TMEM200A: variants seen among roughly 807,000 people sequenced by gnomAD.
TMEM200A encodes the protein transmembrane protein 200A.
TMEM200A carries 12 observed loss-of-function variants against 24.3 expected under a neutral mutation model. The ratio of observed to expected loss-of-function variants is 0.49; its 90% CI spans 0.32 to 0.80. TMEM200A has a LOEUF of 0.80. Ranked by LOEUF, TMEM200A falls within the 30% of genes least tolerant of loss-of-function variation. The pLI is 0.04. For missense variants in TMEM200A, 545 were observed against 614.4 expected (o/e 0.89, Z 1.19); for synonymous variants, 224 against 224.4 (o/e 1.00, Z 0.02).
At chr6:130,404,068 C>T (rs1779151146) in intron 2 of TMEM200A, among the ~76,000 whole-genome samples, 1 of 152,150 alleles carries the variant, frequency 6.6e-6, no homozygotes, top group Non-Finnish European at 1.5e-5. Context: ...TTTATTCAGT[C>T]TATCATTGAT....
intron 2 of TMEM200A, among the ~76,000 whole-genome samples, chr6:130,394,895 A>C (rs569340019): frequency 6.6e-6 from 1 of 152,170 alleles, no homozygotes; most frequent in Non-Finnish European, 1.5e-5. Context: ...GGGTAAGGAT[A>C]TGAAAGTTCA....
At chr6:130,367,143 GT>G (rs1015754916) in intron 1 of TMEM200A, among the ~76,000 whole-genome samples, 3 of 151,904 alleles carry the variant, frequency 2.0e-5, no homozygotes, top group East Asian at 1.9e-4. Flanking sequence ...GTGTTTGTGT[GT>G]TTTTTTTAAA....
intron 2 of TMEM200A, 44 bp downstream of exon 2, chr6:130,385,280 T>A (rs529949931): frequency 3.1e-4 from 47 of 152,334 alleles, no homozygotes; most frequent in Admixed American, 1.6e-3. Context: ...GGGAGACTGA[T>A]CACCTGGATG....
At chr6:130,429,873 C>T (rs1018383116) in intron 2 of TMEM200A, among the ~76,000 whole-genome samples, 6 of 151,876 alleles carry the variant, frequency 4.0e-5, no homozygotes, top group African/African-American at 4.8e-5. Context: ...TTCCTCAATA[C>T]GTAAAAAAAA....
At chr6:130,437,855 T>C (rs980499285) in intron 2 of TMEM200A, 2 of 152,180 alleles carry the variant, frequency 1.3e-5, no homozygotes, top group African/African-American at 4.8e-5. Context: ...TCATCTAATC[T>C]CCTTTCCTCT....
intron 2 of TMEM200A, among the ~76,000 whole-genome samples, chr6:130,386,289 G>T (rs1010036126): frequency 2.6e-5 from 4 of 152,164 alleles, no homozygotes; most frequent in African/African-American, 9.7e-5. Flanking sequence ...TGCAGCACTT[G>T]AGTGTTTCAA....
At chr6:130,370,985 G>T (rs1318034516) in intron 1 of TMEM200A, among the ~76,000 whole-genome samples, 2 of 152,146 alleles carry the variant, frequency 1.3e-5, no homozygotes, top group Admixed American at 1.3e-4. Flanking sequence ...GCACAGATTA[G>T]GATTTTCATT....
At position 130,405,545 on chromosome 6, in the gene TMEM200A, G is replaced by T. The variant is rs563359410; in HGVS notation, c.-17+20309G>T. On this transcript the variant is annotated intron_variant, in intron 2 of 2. Coordinates refer to ENST00000296978, the MANE Select transcript of TMEM200A (RefSeq NM_001258277.2). ...TTTCCATTAGTTGACTTTGCATCAT[G>T]GTAGGAGAATCATTCTAACTGAGAA... Among the ~76,000 whole-genome samples the T allele has an allele frequency of 8.5e-5, 13 of 152,240 alleles. No homozygotes were observed. In the East Asian group the frequency reaches 2.3e-3, roughly 27 times the overall value.
intron 2 of TMEM200A, among the ~76,000 whole-genome samples, chr6:130,398,169 T>G (rs1480803240): frequency 1.3e-5 from 2 of 152,034 alleles, no homozygotes; most frequent in African/African-American, 4.8e-5. Context: ...GTTCCCATAT[T>G]TGTGTCCATG....
chr6:130,368,524 G>C (rs1252339919), intron 1 of TMEM200A, among the ~76,000 whole-genome samples: 1 of 152,184 alleles, frequency 6.6e-6, no homozygotes, highest in African/African-American at 2.4e-5. Flanking sequence ...ATTAAGGAAT[G>C]TATATCTGAT....
intron 2 of TMEM200A, among the ~76,000 whole-genome samples, chr6:130,404,917 G>A (rs1471037940): frequency 1.3e-5 from 2 of 152,082 alleles, no homozygotes; most frequent in East Asian, 1.9e-4. Context: ...ATTGAATAGG[G>A]AATCCTTTCC....
At chr6:130,411,340 A>G (rs1779326369) in intron 2 of TMEM200A, among the ~76,000 whole-genome samples, 1 of 152,188 alleles carries the variant, frequency 6.6e-6, no homozygotes, top group Non-Finnish European at 1.5e-5. Flanking sequence ...TTGCAAGTAC[A>G]GTACAAAAAG....
intron 2 of TMEM200A, among the ~76,000 whole-genome samples, chr6:130,391,155 C>T (rs1302250545): frequency 6.6e-6 from 1 of 152,174 alleles, no homozygotes; most frequent in East Asian, 1.9e-4. Flanking sequence ...AGTGTGATGT[C>T]TTTCTCTGGT....
intron 1 of TMEM200A, chr6:130,383,223 A>C: frequency 1.3e-5 from 3 of 223,168 alleles, no homozygotes; most frequent in Non-Finnish European, 2.3e-5. Flanking sequence ...TAACTAGCTC[A>C]GAAAAAGAGC....
At chr6:130,417,790 T>C (rs185869277) in intron 2 of TMEM200A, among the ~76,000 whole-genome samples, 23 of 152,318 alleles carry the variant, frequency 1.5e-4, no homozygotes, top group Admixed American at 4.6e-4. Flanking sequence ...CCTTGGCTTT[T>C]CGTTTTCAGA....
chr6:130,431,063 G>A (rs919033996), intron 2 of TMEM200A, among the ~76,000 whole-genome samples: 1 of 151,994 alleles, frequency 6.6e-6, no homozygotes, highest in Non-Finnish European at 1.5e-5. Context: ...TTAACAATAC[G>A]GACACGACTG....
intron 2 of TMEM200A, among the ~76,000 whole-genome samples, chr6:130,430,673 C>A (rs1779854219): frequency 6.6e-6 from 1 of 152,090 alleles, no homozygotes; most frequent in Admixed American, 6.5e-5. Context: ...TTTGCATTTA[C>A]AAGTGGAATA....
chr6:130,378,357 TA>T (rs1778511401), intron 1 of TMEM200A, among the ~76,000 whole-genome samples: 1 of 152,032 alleles, frequency 6.6e-6, no homozygotes, highest in African/African-American at 2.4e-5. Context: ...GTGTCAGTTA[TA>T]GGCCTGCCTG....
rs554031289 is a variant in TMEM200A at position 130,366,068 on chromosome 6, C to A, written c.-537C>A. On this transcript the variant is annotated 5_prime_UTR_variant, in exon 1 of 3. Transcript: ENST00000296978. This position sits in a 1 kb window ranked among gnomAD's most constrained non-coding sequence, Gnocchi z 4.4. Reference sequence around the variant, plus strand: ...CCCTCCCGTTCCCGGTCCCTTTTGTCTTTCTTGGACGCGGTGGCGGCGCCG... The same window carrying A: ...CCCTCCCGTTCCCGGTCCCTTTTGTATTTCTTGGACGCGGTGGCGGCGCCG... 1.0e-6 allele frequency: 1 copy of A among 985,654 alleles called. No individual in the cohort carries two copies. Among genetic ancestry groups the A allele is most frequent in the South Asian group, 4.7e-5 (1 of 21,292 alleles). The allele number at this position is 985,654 out of a possible 1,614,324, so 61.1% of individuals were successfully genotyped here. A position where few individuals can be genotyped will look rare whatever the true frequency, so the allele number is the denominator to read the frequency against.
Sources: allele counts gnomAD v4.1 joint callset (sites outside exome capture counted in the v4.1 genomes callset), GRCh38; gene constraint gnomAD v4.1.1; non-coding constraint Gnocchi (gnomAD v3.1); transcripts MANE v1.5; gene names NCBI Gene and HGNC (gene_info 2026-07-23, HGNC 2026-07-21).